The following HBS1L variants were observed in gnomAD, a reference collection of about 807,000 sequenced individuals.
HBS1L encodes the protein HBS1 like translational GTPase.
Under a neutral mutation model 88.9 loss-of-function variants are expected in HBS1L, and 55 were observed. The observed-to-expected ratio is 0.62, with a 90% CI of 0.50 to 0.77. The LOEUF is 0.77. HBS1L is among the 30% of genes least tolerant of loss of function. The probability of loss-of-function intolerance (pLI) is 0.00; values close to 1 mark genes in which losing one functional copy is unlikely to be tolerated. For missense variants in HBS1L, 741 were observed against 829.3 expected, an observed-to-expected ratio of 0.89 and a Z score of 1.31; for synonymous variants, 267 against 288.5, an observed-to-expected ratio of 0.93 and a Z score of 0.76.
At chr6:134,996,016 A>G (rs1775279096) in intron 7 of HBS1L, among the ~76,000 whole-genome samples, 1 of 152,186 alleles carries the variant, frequency 6.6e-6, no homozygotes. Flanking sequence ...GATTGAAGAC[A>G]TCAGGGAACA....
intron 17 of HBS1L, 33 bp from the exon 18 acceptor site, chr6:134,965,323 G>C (rs770886967): frequency 7.2e-7 from 1 of 1,395,378 alleles, no homozygotes; most frequent in South Asian, 1.2e-5. Flanking sequence ...GACATTTGCT[G>C]TAATTTAATC....
At chr6:135,035,806 G>T in intron 4 of HBS1L, 1 of 233,634 alleles carries the variant, frequency 4.3e-6, no homozygotes, top group Non-Finnish European at 6.3e-6. Flanking sequence ...AGCAGCAGCA[G>T]AAGCTAAAGA....
chr6:135,053,237 G>A (rs1777143119), intron 1 of HBS1L, among the ~76,000 whole-genome samples: 1 of 152,114 alleles, frequency 6.6e-6, no homozygotes, highest in African/African-American at 2.4e-5. Flanking sequence ...GTTCTCATCT[G>A]TGTATCCCTC....
chr6:134,969,336 C>T lies in HBS1L; in HGVS notation c.1800G>A (p.Val600=), dbSNP rs1373841282. 1.9e-6 allele frequency: 3 copies of T among 1,598,908 alleles called. No individual in the cohort carries two copies. Among genetic ancestry groups the T allele is most frequent in the Non-Finnish European group, 2.6e-6 (3 of 1,166,612 alleles). Residue 600 remains valine, a splice_region_variant and synonymous_variant, in exon 16 of 18, where the codon GTG becomes GTA. Coordinates refer to ENST00000367837, the MANE Select transcript of HBS1L (RefSeq NM_006620.4). ...IEIPITKGFP[V]LLHYQTVSEP... ...CACTGACAGTTTGGTAGTGTAACAG[C>T]ACCTAAAACAAAAAATTATAACACT...
rs1288036290 is a variant in HBS1L at position 134,961,139 on chromosome 6, A to G, written c.*4140T>C. The G allele has an allele frequency of 1.7e-5, 2 of 117,486 alleles. No individual in the cohort carries two copies. Among genetic ancestry groups the G allele is most frequent in the Admixed American group, 2.3e-4 (2 of 8,884 alleles). 7.3% of individuals were successfully genotyped at this position (117,486 alleles called of 1,614,324 possible). On this transcript the variant is annotated 3_prime_UTR_variant, in exon 18 of 18. Coordinates refer to ENST00000367837, the MANE Select transcript of HBS1L (RefSeq NM_006620.4). ...TGATATGAATAGTTTCACTAATTCC[A>G]TTCATGGTTACTGTAAACATTCTTA...
At chr6:135,031,841 T>C (rs1310640672) in intron 4 of HBS1L, among the ~76,000 whole-genome samples, 2 of 151,468 alleles carry the variant, frequency 1.3e-5, no homozygotes, top group Admixed American at 6.6e-5. Flanking sequence ...TTTTTCTTTT[T>C]TTTTTTTTTG....
Position 135,002,813 on chromosome 6 carries a change from T to G in HBS1L, c.460A>C (p.Ser154Arg). Reference protein sequence around the residue: ...GKPVDSQTSRSESEIVPKVAK... With the variant: ...GKPVDSQTSRRESEIVPKVAK... ...ACTTTTGGCACAATTTCAGATTCAC[T>G]TCGCGATGTCTGGGAATCTACTGGT... Residue 154 changes from serine (S) to arginine (R), a missense_variant, in exon 5 of 18, where the codon AGT becomes CGT. Physicochemically the swap from Ser to Arg is moderately radical, Grantham distance 110. This residue lies in a region of HBS1L where 556 missense variants were observed against 598.4 expected (regional missense o/e 0.93). Transcript: ENST00000367837. 6.2e-7 allele frequency: 1 copy of G among 1,613,184 alleles called. No individual in the cohort carries two copies. Among genetic ancestry groups the G allele is most frequent in the Non-Finnish European group, 8.5e-7 (1 of 1,179,346 alleles).
Position 134,978,664 on chromosome 6 carries a change from C to A in HBS1L, c.1797+15G>T, listed in dbSNP as rs764922640. On this transcript the variant is annotated intron_variant, in intron 15 of 17. Coordinates refer to ENST00000367837, the MANE Select transcript of HBS1L (RefSeq NM_006620.4). ...ATTTATAAAAACAGGAATAATAAAA[C>A]ATTTTGGAACTTACAGGAAATCCTT... is the stretch of plus-strand genomic sequence containing the variant. The A allele has an allele frequency of 7.3e-7, 1 of 1,371,792 alleles. No individual in the cohort carries two copies. Among genetic ancestry groups the A allele is most frequent in the Non-Finnish European group, 1.0e-6 (1 of 981,638 alleles). 85.0% of individuals were successfully genotyped at this position (1,371,792 alleles called of 1,614,324 possible).
chr6:134,988,408 ATAAAG>A (rs1426544839), intron 8 of HBS1L, among the ~76,000 whole-genome samples: 1 of 151,672 alleles, frequency 6.6e-6, no homozygotes, highest in Admixed American at 6.6e-5. Flanking sequence ...TTTGTAACAT[ATAAAG>A]TAAAGGTTAT....
chr6:134,990,449 T>C (rs566232397), intron 8 of HBS1L, among the ~76,000 whole-genome samples: 1 of 152,350 alleles, frequency 6.6e-6, no homozygotes, highest in East Asian at 1.9e-4. Flanking sequence ...CCCACTGCAA[T>C]ATTTTGCACA....
intron 4 of HBS1L, among the ~76,000 whole-genome samples, chr6:135,020,083 G>A (rs1206808363): frequency 1.3e-5 from 2 of 149,342 alleles, no homozygotes; most frequent in Non-Finnish European, 3.0e-5. Context: ...TCAGACTGTT[G>A]AAATGGCTAA....
rs1366269203 is a variant in HBS1L, at chr6:134,962,009, T to C, written c.*3270A>G. 3 of 152,162 alleles carry C rather than the reference T, an allele frequency of 2.0e-5. No individual in the cohort carries two copies. The highest frequency in any genetic ancestry group is 4.8e-5 in the African/African-American group (2 of 41,432). The allele number at this position is 152,162 out of a possible 1,614,324, so 9.4% of individuals were successfully genotyped here. A position where few individuals can be genotyped will look rare whatever the true frequency, so the allele number is the denominator to read the frequency against. ...TGTCCCCTGGTTGGACTATCAGCCC[T>C]ATTAAGACTCAAGCCCCAGAGCTTT... On this transcript the variant is annotated 3_prime_UTR_variant, in exon 18 of 18. Transcript: ENST00000367837.
At chr6:135,020,510 C>A (rs1038961098) in intron 4 of HBS1L, among the ~76,000 whole-genome samples, 1 of 151,958 alleles carries the variant, frequency 6.6e-6, no homozygotes, top group Non-Finnish European at 1.5e-5. Flanking sequence ...AGAAAAACTG[C>A]ATAATTTATC....
At chr6:135,037,706 C>T (rs1400699388) in intron 4 of HBS1L, 3 of 1,550,972 alleles carry the variant, frequency 1.9e-6, no homozygotes. Context: ...AGCAGACTTT[C>T]CAGACTGTCT....
Position 134,987,758 on chromosome 6 carries a change from T to C in HBS1L, c.1117A>G (p.Arg373Gly). The change falls in exon 9 of 18, where the codon AGG becomes GGG. Residue 373 changes from arginine to glycine, a missense_variant. Coordinates refer to ENST00000367837, the MANE Select transcript of HBS1L (RefSeq NM_006620.4). ...TCAAATCCAGCTTCAAACTCTCCCC[T>C]GCTGGCATCTACAACTAAAACAGCT... ...DVAVLVVDAS[R>G]GEFEAGFETG... The C allele has an allele frequency of 6.2e-7, 1 of 1,601,878 alleles. No individual in the cohort carries two copies. The highest frequency in any genetic ancestry group is 8.5e-7 in the Non-Finnish European group (1 of 1,174,078).
chr6:134,996,686 T>G (rs1775297076), intron 7 of HBS1L, 91 bp downstream of exon 7: 1 of 920,970 alleles, frequency 1.1e-6, no homozygotes, highest in Non-Finnish European at 1.6e-6. Context: ...TCTAAAGTAT[T>G]TCATATGTTT....
chr6:134,999,915 T>C (rs933647279), intron 5 of HBS1L, among the ~76,000 whole-genome samples: 4 of 152,180 alleles, frequency 2.6e-5, no homozygotes, highest in African/African-American at 9.7e-5. Flanking sequence ...ATTTGAAAAA[T>C]ATCTAAGATA....
intron 3 of HBS1L, 40 bp from the exon 4 acceptor site, chr6:135,039,807 T>C (rs748628862): frequency 6.7e-7 from 1 of 1,499,800 alleles, no homozygotes; most frequent in Non-Finnish European, 9.0e-7. Flanking sequence ...TACTAAATGG[T>C]GCAATGAAAG....
At chr6:134,995,943 C>G (rs1486093574) in intron 7 of HBS1L, among the ~76,000 whole-genome samples, 2 of 151,946 alleles carry the variant, frequency 1.3e-5, no homozygotes, top group African/African-American at 4.8e-5. Flanking sequence ...GGAGACTATC[C>G]AAGACTGCAA....
Sources: allele counts gnomAD v4.1 joint callset (sites outside exome capture counted in the v4.1 genomes callset), GRCh38; gene constraint gnomAD v4.1.1; regional missense constraint gnomAD v4.1.1; transcripts MANE v1.5; gene names NCBI Gene and HGNC (gene_info 2026-07-23, HGNC 2026-07-21).